Variants in ABHD12 observed in about 807,000 individuals in gnomAD.
ABHD12 encodes abhydrolase domain containing 12, lysophospholipase, also known as lysophosphatidylserine lipase ABHD12.
ABHD12 carries 43 observed loss-of-function variants against 58.3 expected under a neutral mutation model. That is an observed-to-expected ratio of 0.74 (90% CI 0.58 to 0.95). ABHD12 has a LOEUF of 0.95. Among genes scored for constraint, ABHD12 ranks in the 40% least tolerant of loss-of-function variants. The pLI, the probability that ABHD12 is intolerant of heterozygous loss-of-function variation, is 0.00. For synonymous variants in ABHD12, 219 were observed against 211.2 expected (o/e 1.04, Z -0.32); for missense variants, 539 against 537.2 (o/e 1.00, Z -0.03).
intron 1 of ABHD12, among the ~76,000 whole-genome samples, chr20:25,361,397 GTTTT>G (rs1321660366): frequency 1.3e-5 from 2 of 151,224 alleles, no homozygotes; most frequent in Non-Finnish European, 2.9e-5. Context: ...GTCTATGCGT[GTTTT>G]TTGTTTTTTT....
At chr20:25,362,048 G>A (rs926379881) in intron 1 of ABHD12, among the ~76,000 whole-genome samples, 1 of 151,722 alleles carries the variant, frequency 6.6e-6, no homozygotes, top group Non-Finnish European at 1.5e-5. Flanking sequence ...ATCGAGGCGG[G>A]TGGATCACAT....
chr20:25,377,500 A>T (rs1403948880), intron 1 of ABHD12, among the ~76,000 whole-genome samples: 1 of 152,142 alleles, frequency 6.6e-6, no homozygotes, highest in Non-Finnish European at 1.5e-5. Context: ...GGGACTCCGA[A>T]GAGTCCCAAG....
chr20:25,346,940 G>A (rs1258331162), intron 1 of ABHD12, among the ~76,000 whole-genome samples: 1 of 151,930 alleles, frequency 6.6e-6, no homozygotes, highest in Non-Finnish European at 1.5e-5. Flanking sequence ...CACTGCGCCC[G>A]GCCAAGTTTA....
chr20:25,342,867 T>C (rs114385952), intron 1 of ABHD12, among the ~76,000 whole-genome samples: 1,907 of 150,952 alleles, frequency 0.013, 44 homozygotes, highest in African/African-American at 0.041. Context: ...GGGTTATAGG[T>C]GTGAGCCACA....
intron 1 of ABHD12, among the ~76,000 whole-genome samples, chr20:25,373,897 C>T (rs569420691): frequency 1.3e-5 from 2 of 152,026 alleles, no homozygotes; most frequent in Non-Finnish European, 2.9e-5. Flanking sequence ...TAATAGGCTA[C>T]CTGAAGTTGT....
intron 1 of ABHD12, among the ~76,000 whole-genome samples, chr20:25,348,696 C>T (rs1346374564): frequency 6.6e-6 from 1 of 152,064 alleles, no homozygotes; most frequent in Non-Finnish European, 1.5e-5. Context: ...AAACCTTTCT[C>T]CAAAGGAGGT....
At chr20:25,322,381 A>ATATATATATATATATATATATATATATT in intron 3 of ABHD12, among the ~76,000 whole-genome samples, 1 of 59,282 alleles carries the variant, frequency 1.7e-5, no homozygotes, top group African/African-American at 8.3e-5. Flanking sequence ...ATATATATAT[A>ATATATATATATATATATATATATATATT]TTTTTTTTTT....
intron 1 of ABHD12, among the ~76,000 whole-genome samples, chr20:25,380,038 T>A (rs2090004315): frequency 6.6e-6 from 1 of 152,192 alleles, no homozygotes; most frequent in Middle Eastern, 3.2e-3. Context: ...AACGATGCTT[T>A]TGAAAATTTG....
chr20:25,383,968 A>AG lies in ABHD12; in HGVS notation c.191+6544_191+6545insC, dbSNP rs1555826207. On this transcript the variant is annotated intron_variant, in intron 1 of 12. Transcript: ENST00000339157. The stretch of plus-strand genomic sequence containing the variant: ...AGACTCTTTCTCAAAAAAAAAAAAA[A>AG]AAAAAAGAAAAAAAAGAAAAAAAAT... Among the ~76,000 whole-genome samples the AG allele has an allele frequency of 1.0e-3, 135 of 131,684 alleles. 7 individuals carry two copies. The South Asian group carries it at 0.018, about 18-fold the overall frequency. 86.4% of individuals were successfully genotyped at this position (131,684 alleles called of 152,430 possible).
At chr20:25,376,133 A>C (rs2089960221) in intron 1 of ABHD12, among the ~76,000 whole-genome samples, 1 of 152,114 alleles carries the variant, frequency 6.6e-6, no homozygotes, top group Admixed American at 6.5e-5. Context: ...AAAAATAATA[A>C]TAATAATAAT....
At chr20:25,308,149 C>T (rs547734493) in intron 8 of ABHD12, 104 bp from the exon 9 acceptor site, 6 of 850,934 alleles carry the variant, frequency 7.1e-6, no homozygotes, top group African/African-American at 3.3e-5. Flanking sequence ...GAGACCACAG[C>T]GCCTCCCACC....
At chr20:25,319,404 C>T (rs1038152343) in intron 4 of ABHD12, among the ~76,000 whole-genome samples, 2 of 152,172 alleles carry the variant, frequency 1.3e-5, no homozygotes, top group African/African-American at 2.4e-5. Flanking sequence ...AGCAACAGCC[C>T]GTTAGGGTGA....
downstream of ABHD12, among the ~76,000 whole-genome samples, chr20:25,299,206 G>A (rs1235741425): frequency 2.0e-5 from 3 of 152,174 alleles, no homozygotes; most frequent in Non-Finnish European, 2.9e-5. Context: ...AGACCAGCCT[G>A]GGCAACATGG....
chr20:25,363,556 A>G (rs542404787), intron 1 of ABHD12, among the ~76,000 whole-genome samples: 49 of 152,202 alleles, frequency 3.2e-4, no homozygotes, highest in African/African-American at 1.1e-3. Flanking sequence ...GATGAGATGG[A>G]TGCCTTTAAT....
At chr20:25,339,201 A>G in intron 2 of ABHD12, 26 bp downstream of exon 2, 1 of 1,613,892 alleles carries the variant, frequency 6.2e-7, no homozygotes, top group South Asian at 1.1e-5. Flanking sequence ...CTAAAATTAA[A>G]GGAAAAATGG....
intron 1 of ABHD12, among the ~76,000 whole-genome samples, chr20:25,388,637 T>C (rs2090126514): frequency 6.6e-6 from 1 of 152,170 alleles, no homozygotes; most frequent in South Asian, 2.1e-4. Context: ...CTTTTGCTTA[T>C]CCAAAGGATA....
rs113747893 is a variant in ABHD12 at position 25,340,567 on chromosome 20, C to T, written c.192-1216G>A. 6.9e-3 allele frequency among the ~76,000 whole-genome samples: 1,053 copies of T among 152,290 alleles called. 4 individuals are homozygous for T. Among genetic ancestry groups the T allele is most frequent in the Middle Eastern group, 0.02 (6 of 294 alleles). ...CAAGGATCTGGGAACAGAAAGAGTGCCAGGGGCACACCTGCAGGACCACTG... is the reference window on the plus strand; with the variant it reads ...CAAGGATCTGGGAACAGAAAGAGTGTCAGGGGCACACCTGCAGGACCACTG... On this transcript the variant is annotated intron_variant, in intron 1 of 12. Coordinates refer to ENST00000339157, the MANE Select transcript of ABHD12 (RefSeq NM_001042472.3).
chr20:25,295,253 GCGGCGCCATGGGCTCTCCAC>G (rs1206350494), downstream of ABHD12, among the ~76,000 whole-genome samples: 2 of 152,240 alleles, frequency 1.3e-5, no homozygotes, highest in African/African-American at 4.8e-5. Flanking sequence ...CTGCCCTGAG[GCGGCGCCATGGGCTCTCCAC>G]TGTCTGCCCA....
At chr20:25,296,589 C>T, downstream of ABHD12, 2 of 1,541,288 alleles carry the variant, frequency 1.3e-6, no homozygotes, top group Non-Finnish European at 8.7e-7. Context: ...TCCTTTTTTC[C>T]CCAAACACTT....
Sources: allele counts gnomAD v4.1 joint callset (sites outside exome capture counted in the v4.1 genomes callset), GRCh38; gene constraint gnomAD v4.1.1; transcripts MANE v1.5; gene names NCBI Gene and HGNC (gene_info 2026-07-23, HGNC 2026-07-21).